OPCML: variants seen among roughly 807,000 people sequenced by gnomAD.
OPCML encodes opioid-binding protein/cell adhesion molecule.
OPCML carries 13 observed loss-of-function variants against 37.8 expected under a neutral mutation model. That is an observed-to-expected ratio of 0.34 (90% CI 0.22 to 0.55). The LOEUF (loss-of-function observed/expected upper bound fraction) is 0.55. Among genes scored for constraint, OPCML ranks in the 20% least tolerant of loss-of-function variants. The probability of loss-of-function intolerance (pLI) is 0.91; values close to 1 mark genes in which losing one functional copy is unlikely to be tolerated. For synonymous variants in OPCML, 176 were observed against 168.8 expected, an observed-to-expected ratio of 1.04 and a Z score of -0.33; for missense variants, 341 against 435.6, an observed-to-expected ratio of 0.78 and a Z score of 1.93.
At chr11:132,605,990 C>A (rs1413804306) in intron 3 of OPCML, among the ~76,000 whole-genome samples, 1 of 152,184 alleles carries the variant, frequency 6.6e-6, no homozygotes. Flanking sequence ...TCTGTGAATA[C>A]TTTTGAGTTA....
chr11:132,885,941 A>AAC (rs927260673), intron 2 of OPCML, among the ~76,000 whole-genome samples: 4 of 151,776 alleles, frequency 2.6e-5, no homozygotes, highest in East Asian at 1.9e-4. Context: ...ACGAGACAGA[A>AAC]ACACACACAC....
intron 4 of OPCML, among the ~76,000 whole-genome samples, chr11:132,496,232 G>A (rs975560228): frequency 6.6e-6 from 1 of 152,210 alleles, no homozygotes; most frequent in South Asian, 2.1e-4. Context: ...AGCATAAACG[G>A]ATGGATGTGA....
chr11:132,922,524 C>T (rs944528462), intron 2 of OPCML, among the ~76,000 whole-genome samples: 1 of 151,886 alleles, frequency 6.6e-6, no homozygotes, highest in Non-Finnish European at 1.5e-5. Context: ...AAGAGGAGGG[C>T]GGCAGAGTGG....
At chr11:132,511,503 A>G (rs986080176) in intron 4 of OPCML, among the ~76,000 whole-genome samples, 1 of 152,102 alleles carries the variant, frequency 6.6e-6, no homozygotes, top group Non-Finnish European at 1.5e-5. Context: ...ACATTGTCTG[A>G]TTTCAAAACA....
intron 2 of OPCML, among the ~76,000 whole-genome samples, chr11:132,928,624 A>G (rs966846771): frequency 6.6e-6 from 1 of 152,068 alleles, no homozygotes; most frequent in Non-Finnish European, 1.5e-5. Flanking sequence ...AATTAGACGT[A>G]ACAGAAATGT....
At chr11:133,451,978 T>G (rs934356207) in intron 1 of OPCML, among the ~76,000 whole-genome samples, 1 of 143,116 alleles carries the variant, frequency 7.0e-6, no homozygotes, top group Non-Finnish European at 1.5e-5. Context: ...AACACAGAGG[T>G]TGGACTTTGA....
At chr11:133,234,835 C>A (rs1054647225) in intron 1 of OPCML, among the ~76,000 whole-genome samples, 1 of 152,128 alleles carries the variant, frequency 6.6e-6, no homozygotes, top group Non-Finnish European at 1.5e-5. Flanking sequence ...TTAAAAGAGG[C>A]AAAGAAGCAT....
chr11:132,457,766 C>T (rs11223081), intron 4 of OPCML, among the ~76,000 whole-genome samples: 23,394 of 152,222 alleles, frequency 0.15, 2,199 homozygotes, highest in African/African-American at 0.25. Flanking sequence ...GCCTGGTGTA[C>T]GGTCTGCTGA....
chr11:133,172,181 A>G (rs150763320), intron 1 of OPCML, among the ~76,000 whole-genome samples: 241 of 152,276 alleles, frequency 1.6e-3, no homozygotes, highest in African/African-American at 5.7e-3. Flanking sequence ...TGTGGTACCA[A>G]GCACCTACTC....
intron 1 of OPCML, among the ~76,000 whole-genome samples, chr11:133,269,791 G>C (rs569344836): frequency 4.7e-4 from 72 of 152,284 alleles, no homozygotes; most frequent in African/African-American, 1.7e-3. Flanking sequence ...CTTTCTGTAA[G>C]AGCAAGAAGA....
At chr11:133,502,569 C>A (rs144317423) in intron 1 of OPCML, among the ~76,000 whole-genome samples, 90 of 152,296 alleles carry the variant, frequency 5.9e-4, no homozygotes, top group African/African-American at 2.1e-3. Context: ...TAAACATATA[C>A]CTGTACAGGA....
At chr11:132,635,532 G>GAAA (rs1303634977) in intron 3 of OPCML, among the ~76,000 whole-genome samples, 1 of 92,538 alleles carries the variant, frequency 1.1e-5, no homozygotes, top group African/African-American at 4.1e-5. Flanking sequence ...TTTATTCAAG[G>GAAA]AAAAAAAAAA....
chr11:132,639,495 G>A (rs574088797), intron 3 of OPCML, among the ~76,000 whole-genome samples: 3 of 152,298 alleles, frequency 2.0e-5, no homozygotes, highest in Non-Finnish European at 4.4e-5. Context: ...CTTCTCCCTG[G>A]AATAGCAATC....
intron 1 of OPCML, chr11:133,300,187 G>A (rs1002715576): frequency 4.6e-5 from 7 of 152,142 alleles, no homozygotes; most frequent in Non-Finnish European, 1.0e-4. Flanking sequence ...GATCATGGAG[G>A]TGTAAAGATT....
At chr11:132,511,897 A>G (rs138206032) in intron 4 of OPCML, among the ~76,000 whole-genome samples, 215 of 152,250 alleles carry the variant, frequency 1.4e-3, no homozygotes, top group Middle Eastern at 0.01. Context: ...TTCCTTTACA[A>G]GATTCCTTTA....
rs1427621036 is a variant in OPCML, at chr11:132,417,016, C to T, written c.*3177G>A. The stretch of plus-strand genomic sequence containing the variant: ...TTCAGAGTCCCTACATTGCTAATTC[C>T]TCTCACCTAATCTCCTAACAGGACT... On this transcript the variant is annotated 3_prime_UTR_variant, in exon 8 of 8. Coordinates refer to ENST00000524381, the MANE Select transcript of OPCML (RefSeq NM_001012393.5). The T allele has an allele frequency of 6.6e-6, 1 of 152,552 alleles. No individual in the cohort carries two copies. The highest frequency in any genetic ancestry group is 6.5e-5 in the Admixed American group (1 of 15,274). The allele number at this position is 152,552 out of a possible 1,614,324, so 9.4% of individuals were successfully genotyped here.
chr11:132,578,398 G>C (rs994799437), intron 3 of OPCML, among the ~76,000 whole-genome samples: 2 of 152,180 alleles, frequency 1.3e-5, no homozygotes, highest in Admixed American at 1.3e-4. Flanking sequence ...GAAGTAGGAT[G>C]TTCTACATCC....
chr11:132,950,553 C>G (rs1945836235), intron 1 of OPCML, among the ~76,000 whole-genome samples: 1 of 152,186 alleles, frequency 6.6e-6, no homozygotes, highest in Non-Finnish European at 1.5e-5. Context: ...ATCAGGACGA[C>G]AGTGGGAGAA....
chr11:133,368,710 CT>C (rs1025090521), intron 1 of OPCML, among the ~76,000 whole-genome samples: 1 of 152,152 alleles, frequency 6.6e-6, no homozygotes, highest in African/African-American at 2.4e-5. Flanking sequence ...ATTCCCCTCA[CT>C]TTTAAAAATC....
Sources: gnomAD v4.1 joint callset for allele counts (sites outside exome capture counted in the v4.1 genomes callset) on GRCh38, gnomAD v4.1.1 for gene constraint, MANE v1.5 for transcripts, NCBI Gene and HGNC (gene_info 2026-07-23, HGNC 2026-07-21) for gene names.